SLC35H1: variants seen among roughly 807,000 people sequenced by gnomAD.
SLC35H1 encodes solute carrier family 35 member H1.
At chr20:46,358,546 GGC>G in the SLC35H1 span, 1 of 1,614,086 alleles carries the variant, frequency 6.2e-7, no homozygotes, top group Non-Finnish European at 8.5e-7. Flanking sequence ...AGTCAGCGGG[GGC>G]AGGCACCCCT....
the SLC35H1 span, among the ~76,000 whole-genome samples, chr20:46,360,095 C>T: frequency 2.6e-5 from 4 of 152,294 alleles, no homozygotes; most frequent in African/African-American, 4.8e-5. Context: ...CCAATTACTG[C>T]TCTGCATCCC....
the SLC35H1 span, among the ~76,000 whole-genome samples, chr20:46,354,566 C>T: frequency 1.3e-5 from 2 of 152,162 alleles, no homozygotes; most frequent in Admixed American, 1.3e-4. Context: ...TTTGTTCTAC[C>T]TGCAAAATGG....
At chr20:46,357,826 C>G in the SLC35H1 span, 3 of 1,598,360 alleles carry the variant, frequency 1.9e-6, no homozygotes, top group African/African-American at 2.7e-5. Context: ...GCCTGCCCCC[C>G]ACCGGCTCCC....
the SLC35H1 span, chr20:46,348,438 G>C: frequency 2.0e-5 from 3 of 152,322 alleles, no homozygotes; most frequent in African/African-American, 7.2e-5. Context: ...CCTCTAAGAC[G>C]GAGGAGGCCC....
the SLC35H1 span, among the ~76,000 whole-genome samples, chr20:46,360,997 G>A: frequency 6.6e-6 from 1 of 152,202 alleles, no homozygotes; most frequent in African/African-American, 2.4e-5. Context: ...CTGACCTAAT[G>A]CATTCTCATT....
At chr20:46,358,530 C>T in the SLC35H1 span, 1 of 1,614,064 alleles carries the variant, frequency 6.2e-7, no homozygotes, top group Non-Finnish European at 8.5e-7. Flanking sequence ...AGCACCGGAG[C>T]TCCTGAGTCA....
the SLC35H1 span, chr20:46,358,509 G>A: frequency 2.2e-5 from 35 of 1,614,070 alleles, no homozygotes; most frequent in Non-Finnish European, 2.7e-5. Context: ...CTCCCCATTC[G>A]TGGCGGCTGC....
chr20:46,357,545 C>A, the SLC35H1 span: 55 of 1,512,770 alleles, frequency 3.6e-5, no homozygotes, highest in Non-Finnish European at 4.6e-5. Flanking sequence ...TCCAGACATG[C>A]GGGTGTCTCT....
the SLC35H1 span, chr20:46,352,313 T>A: frequency 8.5e-7 from 1 of 1,174,170 alleles, no homozygotes; most frequent in Non-Finnish European, 1.2e-6. Context: ...TCTTCCACTG[T>A]AGTAGTGAGT....
the SLC35H1 span, among the ~76,000 whole-genome samples, chr20:46,362,281 CTT>C: frequency 2.0e-5 from 3 of 152,164 alleles, no homozygotes; most frequent in Non-Finnish European, 4.4e-5. Context: ...GTAAACAACT[CTT>C]TTTGAAATCT....
chr20:46,350,662 G>A, the SLC35H1 span: 15 of 1,449,384 alleles, frequency 1.0e-5, no homozygotes, highest in Middle Eastern at 1.9e-4. Flanking sequence ...GAGGAGTGAC[G>A]GCAGCAGAGC....
chr20:46,353,415 C>T, the SLC35H1 span, among the ~76,000 whole-genome samples: 2 of 152,164 alleles, frequency 1.3e-5, no homozygotes, highest in Non-Finnish European at 2.9e-5. Flanking sequence ...CACGAAAGTC[C>T]TCGTGGTGTA....
At chr20:46,361,090 T>A in the SLC35H1 span, among the ~76,000 whole-genome samples, 1 of 152,162 alleles carries the variant, frequency 6.6e-6, no homozygotes, top group East Asian at 1.9e-4. Flanking sequence ...GAATATCCAA[T>A]GCCTACCTAA....
the SLC35H1 span, chr20:46,346,854 C>G: frequency 7.4e-5 from 11 of 149,526 alleles, no homozygotes; most frequent in East Asian, 2.2e-3. Context: ...CCATTGCACT[C>G]CAGCCTGGGC....
the SLC35H1 span, among the ~76,000 whole-genome samples, chr20:46,360,571 T>C: frequency 6.6e-6 from 1 of 152,234 alleles, no homozygotes; most frequent in South Asian, 2.1e-4. Flanking sequence ...TGAGACGAAG[T>C]TTCGCTCCTG....
At chr20:46,360,269 A>G in the SLC35H1 span, among the ~76,000 whole-genome samples, 12 of 152,140 alleles carry the variant, frequency 7.9e-5, no homozygotes, top group African/African-American at 2.9e-4. Context: ...GAGACTGAAA[A>G]TGGTCAAAAT....
the SLC35H1 span, chr20:46,358,680 A>T: frequency 6.4e-7 from 1 of 1,551,334 alleles, no homozygotes; most frequent in South Asian, 1.2e-5. Flanking sequence ...AGCCCCAGGC[A>T]GAGTCCTCAC....
chr20:46,348,122 T>C, the SLC35H1 span: 1 of 119,540 alleles, frequency 8.4e-6, no homozygotes, highest in Non-Finnish European at 1.6e-5. Flanking sequence ...TAGGGCTCAA[T>C]GCCGAGGTGG....
At chr20:46,357,540 A>G in the SLC35H1 span, 124 of 1,501,188 alleles carry the variant, frequency 8.3e-5, no homozygotes, top group African/African-American at 1.7e-3. Flanking sequence ...TGGCTTCCAG[A>G]CATGCGGGTG....
Sources: allele counts gnomAD v4.1 joint callset (sites outside exome capture counted in the v4.1 genomes callset), GRCh38; gene constraint gnomAD v4.1.1; transcripts MANE v1.5; gene names NCBI Gene and HGNC (gene_info 2026-07-23, HGNC 2026-07-21).